Variants in DPP10 observed in about 807,000 individuals in gnomAD.
DPP10 encodes dipeptidyl peptidase like 10, also known as inactive dipeptidyl peptidase 10.
A neutral mutation model predicts 120.9 loss-of-function variants in DPP10; 33 were observed. The ratio of observed to expected loss-of-function variants is 0.27; its 90% CI spans 0.21 to 0.37. The LOEUF (loss-of-function observed/expected upper bound fraction) is 0.37. DPP10 is among the 10% of genes least tolerant of loss of function. DPP10 has a pLI of 1.00. For missense variants in DPP10, 816 were observed against 942.8 expected (o/e 0.87, Z 1.76); for synonymous variants, 337 against 326.1 (o/e 1.03, Z -0.36).
At chr2:115,385,412 G>T (rs867755914) in intron 3 of DPP10, among the ~76,000 whole-genome samples, 10 of 150,648 alleles carry the variant, frequency 6.6e-5, no homozygotes, top group African/African-American at 2.4e-4. Context: ...CTGGAGTGCA[G>T]TGGCACAATC....
At chr2:114,827,967 C>A (rs962255245) in intron 1 of DPP10, among the ~76,000 whole-genome samples, 20 of 152,176 alleles carry the variant, frequency 1.3e-4, no homozygotes, top group African/African-American at 4.8e-4. Flanking sequence ...ATTCAGAGTA[C>A]ACTTACAGTG....
chr2:114,810,051 G>A (rs999225137), intron 1 of DPP10, among the ~76,000 whole-genome samples: 2 of 151,988 alleles, frequency 1.3e-5, no homozygotes, highest in Non-Finnish European at 2.9e-5. Context: ...AGATTTTGAC[G>A]GTTCATACTC....
intron 3 of DPP10, among the ~76,000 whole-genome samples, chr2:115,496,196 C>T (rs748053272): frequency 1.3e-5 from 2 of 151,682 alleles, no homozygotes; most frequent in African/African-American, 4.8e-5. Flanking sequence ...AAAAAAAACC[C>T]CAAGAAAATT....
chr2:114,900,792 A>G (rs1349568076), intron 1 of DPP10, among the ~76,000 whole-genome samples: 1 of 152,206 alleles, frequency 6.6e-6, no homozygotes, highest in African/African-American at 2.4e-5. Flanking sequence ...AAAGTTCCCC[A>G]AAATACTATC....
intron 5 of DPP10, among the ~76,000 whole-genome samples, chr2:115,560,364 CCTT>C (rs1420282045): frequency 8.7e-5 from 5 of 57,488 alleles, no homozygotes; most frequent in Non-Finnish European, 5.8e-5. Context: ...GAGCAAGACT[CCTT>C]CTCAAAAAAA....
chr2:114,720,080 G>A (rs1171641298), intron 1 of DPP10, among the ~76,000 whole-genome samples: 1 of 152,110 alleles, frequency 6.6e-6, no homozygotes, highest in African/African-American at 2.4e-5. Flanking sequence ...TTTGTTTTTG[G>A]TAGGTTCAGA....
intron 19 of DPP10, among the ~76,000 whole-genome samples, chr2:115,811,659 G>A (rs772962447): frequency 2.0e-5 from 3 of 152,188 alleles, no homozygotes; most frequent in African/African-American, 7.2e-5. Flanking sequence ...TAGCACTGCT[G>A]CCAGAGTTTA....
intron 1 of DPP10, among the ~76,000 whole-genome samples, chr2:114,760,075 C>T (rs1029783303): frequency 4.6e-5 from 7 of 152,334 alleles, no homozygotes; most frequent in South Asian, 2.1e-4. Context: ...CTTCCATAAA[C>T]GCTAATCCTG....
intron 1 of DPP10, among the ~76,000 whole-genome samples, chr2:114,745,802 G>C (rs1458314361): frequency 6.6e-6 from 1 of 152,180 alleles, no homozygotes; most frequent in Non-Finnish European, 1.5e-5. Context: ...ACTGGCAAAA[G>C]TTGGCTTGCA....
At chr2:115,233,244 T>C (rs2057831072) in intron 1 of DPP10, among the ~76,000 whole-genome samples, 1 of 151,624 alleles carries the variant, frequency 6.6e-6, no homozygotes, top group Admixed American at 6.6e-5. Flanking sequence ...TGTGTGTTTA[T>C]TACATGCAGT....
intron 5 of DPP10, among the ~76,000 whole-genome samples, chr2:115,599,373 ATCTC>A (rs934626185): frequency 6.6e-5 from 10 of 151,922 alleles, no homozygotes; most frequent in Admixed American, 5.2e-4. Flanking sequence ...AATTTTTAAA[ATCTC>A]TCTCATCTTT....
intron 1 of DPP10, among the ~76,000 whole-genome samples, chr2:114,501,932 C>CT (rs1683219832): frequency 9.2e-6 from 1 of 109,272 alleles, no homozygotes; most frequent in Non-Finnish European, 1.7e-5. Flanking sequence ...GATTGATATT[C>CT]CTTTTTTTTT....
intron 1 of DPP10, among the ~76,000 whole-genome samples, chr2:115,171,503 T>C (rs1384226679): frequency 6.6e-6 from 1 of 152,092 alleles, no homozygotes; most frequent in Non-Finnish European, 1.5e-5. Flanking sequence ...AAACTGTTGT[T>C]TCCTAAATGT....
rs149183651 is a variant in DPP10, at chr2:115,202,451, C to T, written c.61-106788C>T. On this transcript the variant is annotated intron_variant, in intron 1 of 25. Transcript: ENST00000410059. ...GGAATTTTAAAGTCATCTAATTCAG[C>T]TTCTTATTGAGAATTTTCTCTTTTA... Among the ~76,000 whole-genome samples, 233 of 152,232 alleles carry T rather than the reference C, an allele frequency of 1.5e-3. 3 individuals carry two copies. Among genetic ancestry groups the T allele is most frequent in the Non-Finnish European group, 1.8e-4 (12 of 68,018 alleles).
intron 1 of DPP10, among the ~76,000 whole-genome samples, chr2:114,472,392 G>T (rs1263695938): frequency 6.6e-6 from 1 of 152,168 alleles, no homozygotes; most frequent in Non-Finnish European, 1.5e-5. Context: ...ATTTATAATT[G>T]CAAGCTTTCT....
intron 13 of DPP10, among the ~76,000 whole-genome samples, chr2:115,773,784 T>C (rs1681756648): frequency 2.6e-5 from 4 of 152,076 alleles, no homozygotes; most frequent in African/African-American, 9.7e-5. Context: ...ACTGTGATAT[T>C]TATTAAGTGT....
chr2:115,807,424 G>A (rs917296156), intron 19 of DPP10, among the ~76,000 whole-genome samples: 1 of 152,118 alleles, frequency 6.6e-6, no homozygotes, highest in African/African-American at 2.4e-5. Context: ...ATGCTGTTCA[G>A]TGTTTCAACT....
At chr2:115,379,840 A>G (rs2066154628) in intron 3 of DPP10, among the ~76,000 whole-genome samples, 1 of 152,088 alleles carries the variant, frequency 6.6e-6, no homozygotes, top group Admixed American at 6.6e-5. Flanking sequence ...CAGGTTCTTC[A>G]GTTTCCATGG....
intron 1 of DPP10, among the ~76,000 whole-genome samples, chr2:114,811,012 T>C (rs2106321648): frequency 6.6e-6 from 1 of 152,314 alleles, no homozygotes; most frequent in South Asian, 2.1e-4. Context: ...ATCTTTCTCA[T>C]CTCTGGGTCT....
Sources: allele counts gnomAD v4.1 joint callset (sites outside exome capture counted in the v4.1 genomes callset), GRCh38; gene constraint gnomAD v4.1.1; transcripts MANE v1.5; gene names NCBI Gene and HGNC (gene_info 2026-07-23, HGNC 2026-07-21).